Variants in MAGI1 observed in about 807,000 individuals in gnomAD.
MAGI1 encodes the protein membrane associated guanylate kinase, WW and PDZ domain containing 1.
MAGI1 carries 58 observed loss-of-function variants against 139.9 expected under a neutral mutation model. That is an observed-to-expected ratio of 0.41 (90% CI 0.34 to 0.52). MAGI1 has a LOEUF of 0.52. Among genes scored for constraint, MAGI1 ranks in the 20% least tolerant of loss-of-function variants. The probability of loss-of-function intolerance (pLI) is 0.12; values close to 1 mark genes in which losing one functional copy is unlikely to be tolerated. For missense variants in MAGI1, 1,874 were observed against 1,901.6 expected (o/e 0.99, Z 0.27); for synonymous variants, 812 against 737.9 (o/e 1.10, Z -1.63).
intron 1 of MAGI1, among the ~76,000 whole-genome samples, chr3:65,670,072 A>G (rs2086762450): frequency 6.6e-6 from 1 of 152,104 alleles, no homozygotes; most frequent in South Asian, 2.1e-4. Context: ...CACAAATTTG[A>G]TATTTGTTCT....
intron 1 of MAGI1, among the ~76,000 whole-genome samples, chr3:66,023,741 T>A (rs963068089): frequency 2.0e-5 from 3 of 152,214 alleles, no homozygotes; most frequent in Non-Finnish European, 2.9e-5. Context: ...ATACATAAAC[T>A]TCATTCGTTC....
Position 65,590,546 on chromosome 3 carries a change from G to A in MAGI1, c.430+31426C>T, listed in dbSNP as rs188674560. On this transcript the variant is annotated intron_variant, in intron 2 of 22. Transcript: ENST00000402939. ...GTCAGAATAAACTGTTCTTTCTGAG[G>A]ATGATATAATTCAAAATTTCCCCTT... 5.0e-3 allele frequency among the ~76,000 whole-genome samples: 766 copies of A among 152,226 alleles called. 6 individuals are homozygous for A. Among genetic ancestry groups the A allele is most frequent in the Non-Finnish European group, 7.8e-3 (530 of 68,034 alleles).
intron 1 of MAGI1, among the ~76,000 whole-genome samples, chr3:66,028,487 C>T (rs1433187933): frequency 2.0e-5 from 3 of 151,396 alleles, no homozygotes; most frequent in Non-Finnish European, 4.4e-5. Context: ...TGAACCCAGG[C>T]GGTCTGACTC....
chr3:65,660,091 A>G (rs941429779), intron 1 of MAGI1, among the ~76,000 whole-genome samples: 2 of 152,204 alleles, frequency 1.3e-5, no homozygotes, highest in African/African-American at 2.4e-5. Flanking sequence ...ACAAAAAAAG[A>G]GAAGGCATAA....
At chr3:65,526,680 C>T (rs2078394965) in intron 2 of MAGI1, among the ~76,000 whole-genome samples, 1 of 152,206 alleles carries the variant, frequency 6.6e-6, no homozygotes, top group Admixed American at 6.5e-5. Context: ...ACCTTCTCAT[C>T]ACTTTAAATA....
intron 1 of MAGI1, chr3:65,924,980 C>A (rs899832005): frequency 1.3e-5 from 2 of 152,190 alleles, no homozygotes; most frequent in African/African-American, 4.8e-5. Flanking sequence ...TTTACATATG[C>A]CGGTCTTAGC....
intron 3 of MAGI1, among the ~76,000 whole-genome samples, chr3:65,485,901 A>C (rs998600175): frequency 6.6e-6 from 1 of 152,218 alleles, no homozygotes; most frequent in African/African-American, 2.4e-5. Flanking sequence ...CAGGGAATTA[A>C]AGAAAACTTC....
chr3:65,694,650 G>C (rs1219752960), intron 1 of MAGI1, among the ~76,000 whole-genome samples: 1 of 152,204 alleles, frequency 6.6e-6, no homozygotes. Flanking sequence ...GCAATACCTG[G>C]AAACAGCTAC....
chr3:65,940,914 G>A (rs1171886575), intron 1 of MAGI1, among the ~76,000 whole-genome samples: 1 of 152,088 alleles, frequency 6.6e-6, no homozygotes, highest in East Asian at 1.9e-4. Context: ...ACTCTAAGAG[G>A]TATTACAGTT....
chr3:65,819,226 G>A (rs1197406866), intron 1 of MAGI1, among the ~76,000 whole-genome samples: 1 of 152,188 alleles, frequency 6.6e-6, no homozygotes, highest in African/African-American at 2.4e-5. Context: ...GGAGGTTGCG[G>A]TGAGCCAAGA....
rs866182551 is a variant in MAGI1, at chr3:65,891,919, T to C, written c.313+146077A>G. Among the ~76,000 whole-genome samples, 31 of 100,174 alleles carry C rather than the reference T, an allele frequency of 3.1e-4. 1 individual carries two copies. The highest frequency in any genetic ancestry group is 9.0e-3 in the Middle Eastern group (2 of 222). The allele number at this position is 100,174 out of a possible 152,430, so 65.7% of individuals were successfully genotyped here. A position where few individuals can be genotyped will look rare whatever the true frequency, so the allele number is the denominator to read the frequency against. Reference sequence around the variant, plus strand: ...ATATATATATATATATATATATATATATATATATATATATATATATATACC... The same window carrying C: ...ATATATATATATATATATATATATACATATATATATATATATATATATACC... On this transcript the variant is annotated intron_variant, in intron 1 of 22. Transcript: ENST00000402939.
intron 8 of MAGI1, 96 bp downstream of exon 8, chr3:65,442,696 T>C: frequency 1.3e-6 from 1 of 774,924 alleles, no homozygotes; most frequent in Non-Finnish European, 2.1e-6. Context: ...TGTTAATTGG[T>C]TTGTGCCTTA....
intron 1 of MAGI1, among the ~76,000 whole-genome samples, chr3:65,773,125 A>C (rs1255905115): frequency 1.3e-5 from 2 of 152,216 alleles, no homozygotes; most frequent in Non-Finnish European, 2.9e-5. Flanking sequence ...AGTATTCATA[A>C]AAGTACCTGA....
rs573468590 is a variant in MAGI1 at position 65,790,941 on chromosome 3, G to A, written c.314-168853C>T. Among the ~76,000 whole-genome samples, 22 of 152,210 alleles carry A rather than the reference G, an allele frequency of 1.4e-4. No homozygotes were observed. The East Asian group carries it at 4.1e-3, about 28-fold the overall frequency. ...AATACAAAAATTACCTGGGTGTGGT[G>A]GCATGCGCCTGTAATCCCAGCTACT... On this transcript the variant is annotated intron_variant, in intron 1 of 22. Coordinates refer to ENST00000402939, the MANE Select transcript of MAGI1 (RefSeq NM_001033057.2).
intron 1 of MAGI1, chr3:66,003,876 G>GAACAAAGAAATCTGTAACCAGTTGTGACC (rs2066881444): frequency 6.6e-6 from 1 of 152,158 alleles, no homozygotes; most frequent in Admixed American, 6.6e-5. Flanking sequence ...AGTAGAGAAA[G>GAACAAAGAAATCTGTAACCAGTTGTGACC]AACAAAGAAA....
chr3:65,958,949 T>C (rs1279369386), intron 1 of MAGI1, among the ~76,000 whole-genome samples: 1 of 151,646 alleles, frequency 6.6e-6, no homozygotes, highest in African/African-American at 2.4e-5. Flanking sequence ...ATCGTGCCAC[T>C]GCACTCCAGC....
At chr3:65,872,052 G>A (rs2059957804) in intron 1 of MAGI1, among the ~76,000 whole-genome samples, 1 of 152,118 alleles carries the variant, frequency 6.6e-6, no homozygotes, top group South Asian at 2.1e-4. Context: ...CCTGGGGACT[G>A]ACCCTCTCAG....
intron 3 of MAGI1, among the ~76,000 whole-genome samples, chr3:65,491,299 A>G (rs1393677909): frequency 7.9e-5 from 12 of 152,208 alleles, no homozygotes; most frequent in Admixed American, 7.9e-4. Flanking sequence ...TTCAGTGAAG[A>G]TAATAGCCGC....
chr3:65,950,218 A>G lies in MAGI1; in HGVS notation c.313+87778T>C, dbSNP rs1037432319. Among the ~76,000 whole-genome samples, 15 of 151,530 alleles carry G rather than the reference A, an allele frequency of 9.9e-5. 1 individual carries two copies. The highest frequency in any genetic ancestry group is 1.0e-4 in the Non-Finnish European group (7 of 67,940). ...TTAAAGTTAAACAAGTTAGGAGATG[A>G]AAGTAGACTAGACCACCCAAGTGGG... is the stretch of plus-strand genomic sequence containing the variant. On this transcript the variant is annotated intron_variant, in intron 1 of 22. Coordinates refer to ENST00000402939, the MANE Select transcript of MAGI1 (RefSeq NM_001033057.2).
Sources: allele counts gnomAD v4.1 joint callset (sites outside exome capture counted in the v4.1 genomes callset), GRCh38; gene constraint gnomAD v4.1.1; transcripts MANE v1.5; gene names NCBI Gene and HGNC (gene_info 2026-07-23, HGNC 2026-07-21).